TIGIT: variants seen among roughly 807,000 people sequenced by gnomAD.
TIGIT encodes T-cell immunoreceptor with Ig and ITIM domains.
Under a neutral mutation model 19.6 loss-of-function variants are expected in TIGIT, and 11 were observed. That is an observed-to-expected ratio of 0.56 (90% CI 0.35 to 0.93). The LOEUF (loss-of-function observed/expected upper bound fraction) is 0.93. TIGIT is among the 40% of genes least tolerant of loss of function. The probability of loss-of-function intolerance (pLI) is 0.01; values close to 1 mark genes in which losing one functional copy is unlikely to be tolerated. For synonymous variants in TIGIT, 130 were observed against 125.5 expected (o/e 1.04, Z -0.24); for missense variants, 295 against 303.9 (o/e 0.97, Z 0.22).
intron 3 of TIGIT, chr3:114,307,684 A>C: frequency 3.5e-6 from 2 of 565,930 alleles, no homozygotes; most frequent in Non-Finnish European, 3.2e-6. Flanking sequence ...GGCACGTGGT[A>C]TATGTAGTAA....
chr3:114,303,588 CAT>C (rs1257093836), intron 3 of TIGIT, among the ~76,000 whole-genome samples: 1 of 53,246 alleles, frequency 1.9e-5, no homozygotes, highest in African/African-American at 1.4e-4. Context: ...TATATATATA[CAT>C]ATATATGTAT....
intron 3 of TIGIT, among the ~76,000 whole-genome samples, chr3:114,305,093 C>T (rs957541498): frequency 4.4e-4 from 67 of 152,270 alleles, no homozygotes; most frequent in East Asian, 1.2e-3. Flanking sequence ...TTCAGTCCAT[C>T]GGTGCAATTT....
intron 2 of TIGIT, among the ~76,000 whole-genome samples, chr3:114,296,241 C>A (rs1295642340): frequency 2.0e-5 from 3 of 152,206 alleles, no homozygotes; most frequent in East Asian, 3.8e-4. Context: ...TTAGAATTAA[C>A]CCCTAAGTGT....
In TIGIT at chr3:114,308,220, T is replaced by C; in HGVS notation, c.*89T>C. On this transcript the variant is annotated 3_prime_UTR_variant, in exon 4 of 4. Transcript: ENST00000383671. ...AGCTGTACTCTCCATCAGTGCTGCG[T>C]GTGTGTGTGTGTGTGTATGTGTGTG... The C allele has an allele frequency of 3.6e-6, 2 of 556,360 alleles. No homozygotes were observed. The highest frequency in any genetic ancestry group is 9.6e-5 in the East Asian group (2 of 20,768). The allele number at this position is 556,360 out of a possible 1,614,324, so 34.5% of individuals were successfully genotyped here.
At chr3:114,305,519 G>T (rs2078526875) in intron 3 of TIGIT, among the ~76,000 whole-genome samples, 1 of 152,194 alleles carries the variant, frequency 6.6e-6, no homozygotes, top group African/African-American at 2.4e-5. Flanking sequence ...CTGGAGACTT[G>T]GCTGAAGCAA....
intron 3 of TIGIT, among the ~76,000 whole-genome samples, chr3:114,303,597 GTATA>G (rs368266926): frequency 3.8e-4 from 3 of 7,864 alleles, no homozygotes; most frequent in African/African-American, 8.8e-4. Flanking sequence ...ACATATATAT[GTATA>G]TATATATATA....
intron 3 of TIGIT, among the ~76,000 whole-genome samples, chr3:114,302,228 G>A (rs1449147280): frequency 1.3e-5 from 2 of 152,186 alleles, no homozygotes; most frequent in Non-Finnish European, 2.9e-5. Context: ...CTCAAACTTA[G>A]GATGGAGGAT....
chr3:114,306,472 G>A (rs890913023), intron 3 of TIGIT, among the ~76,000 whole-genome samples: 2 of 144,474 alleles, frequency 1.4e-5, no homozygotes, highest in African/African-American at 2.4e-5. Flanking sequence ...TGTTATTTAG[G>A]AGCATGTTCT....
chr3:114,295,159 G>A (rs534605959), intron 1 of TIGIT: 3 of 231,188 alleles, frequency 1.3e-5, no homozygotes, highest in East Asian at 1.1e-4. Context: ...TCTAGGAGGC[G>A]GGGAGGGAGT....
intron 3 of TIGIT, among the ~76,000 whole-genome samples, chr3:114,305,864 G>GGATAGATA (rs747740694): frequency 0.075 from 10,927 of 145,046 alleles, 483 homozygotes; most frequent in Admixed American, 0.12. Flanking sequence ...ATGGATGGAT[G>GGATAGATA]GATAGATAGA....
intron 2 of TIGIT, among the ~76,000 whole-genome samples, chr3:114,298,704 A>G (rs896952586): frequency 2.0e-4 from 30 of 152,114 alleles, no homozygotes; most frequent in African/African-American, 7.0e-4. Context: ...TGCAGGCACC[A>G]CCCTTGTCTT....
chr3:114,306,438 C>G (rs1190925736), intron 3 of TIGIT, among the ~76,000 whole-genome samples: 4 of 152,132 alleles, frequency 2.6e-5, no homozygotes, highest in Non-Finnish European at 5.9e-5. Flanking sequence ...GCATTCACTA[C>G]AGACCTTGAG....
rs2078559431 is a variant in TIGIT, at chr3:114,309,690, T to C, written c.*1559T>C. The C allele has an allele frequency of 1.3e-5, 2 of 152,242 alleles. No homozygotes were observed. Among genetic ancestry groups the C allele is most frequent in the Admixed American group, 6.5e-5 (1 of 15,280 alleles). The allele number at this position is 152,242 out of a possible 1,614,324, so 9.4% of individuals were successfully genotyped here. The stretch of plus-strand genomic sequence containing the variant: ...TGAACGTAAAAATGTTGTTGTTTGC[T>C]GTGGCAGTTTACAGCATTTTTCTTG... On this transcript the variant is annotated 3_prime_UTR_variant, in exon 4 of 4. Coordinates refer to ENST00000383671, the MANE Select transcript of TIGIT (RefSeq NM_173799.4).
chr3:114,296,707 C>G (rs1313959862), intron 2 of TIGIT, among the ~76,000 whole-genome samples: 1 of 152,100 alleles, frequency 6.6e-6, no homozygotes, highest in Non-Finnish European at 1.5e-5. Flanking sequence ...GAAGCTGGAG[C>G]TTGGAGTTGC....
In TIGIT at chr3:114,306,909, A is replaced by G. The variant is rs1011390225; in HGVS notation, c.499-986A>G. Among the ~76,000 whole-genome samples, 88 of 152,332 alleles carry G rather than the reference A, an allele frequency of 5.8e-4. No individual in the cohort carries two copies. In the Middle Eastern group the frequency reaches 0.01, roughly 18 times the overall value. On this transcript the variant is annotated intron_variant, in intron 3 of 3. Transcript: ENST00000383671. ...GAGTTTTAGGCAGAAATATGGACTG[A>G]CACAACTTTTGTTTTTGAAAATCAC...
chr3:114,299,568 C>A (rs777787938), intron 2 of TIGIT, 29 bp from the exon 3 acceptor site: 3 of 1,543,074 alleles, frequency 1.9e-6, no homozygotes, highest in Admixed American at 1.7e-5. Context: ...TGGCTTCTGC[C>A]ACTCATCTCT....
rs1433137738 is a variant in TIGIT, at chr3:114,307,960, A to G, written c.564A>G (p.Glu188=). The change falls in exon 4 of 4, where the codon GAA becomes GAG. Residue 188 remains glutamate (E), a synonymous_variant. Transcript: ENST00000383671. Reference sequence around the variant, plus strand: ...GGAGAAAATCAGCTGGACAGGAGGAATGGAGCCCCAGTGCTCCCTCACCCC... The same window carrying G: ...GGAGAAAATCAGCTGGACAGGAGGAGTGGAGCCCCAGTGCTCCCTCACCCC... ...DLRRKSAGQE[E]WSPSAPSPPG... is the part of the protein sequence containing the mutation. 1 of 1,614,026 alleles carries G rather than the reference A, an allele frequency of 6.2e-7. No homozygotes were observed. The highest frequency in any genetic ancestry group is 8.5e-7 in the Non-Finnish European group (1 of 1,180,040).
At chr3:114,300,067 G>T (rs1407940623) in intron 3 of TIGIT, among the ~76,000 whole-genome samples, 1 of 152,136 alleles carries the variant, frequency 6.6e-6, no homozygotes. Flanking sequence ...TAGCTCTTTT[G>T]ATTATTACAA....
At chr3:114,303,597 G>GTA (rs368266926) in intron 3 of TIGIT, among the ~76,000 whole-genome samples, 5 of 7,858 alleles carry the variant, frequency 6.4e-4, no homozygotes, top group African/African-American at 1.5e-3. Context: ...ACATATATAT[G>GTA]TATATATATA....
Sources: gnomAD v4.1 joint callset for allele counts (sites outside exome capture counted in the v4.1 genomes callset) on GRCh38, gnomAD v4.1.1 for gene constraint, MANE v1.5 for transcripts, NCBI Gene and HGNC (gene_info 2026-07-23, HGNC 2026-07-21) for gene names.